The following GIPC2 variants were observed in gnomAD, a reference collection of about 807,000 sequenced individuals.
GIPC2 encodes the protein PDZ domain-containing protein GIPC2.
A neutral mutation model predicts 30.6 loss-of-function variants in GIPC2; 30 were observed. The ratio of observed to expected loss-of-function variants is 0.98; its 90% CI spans 0.73 to 1.33. The LOEUF is 1.33. Ranked by LOEUF, GIPC2 falls within the 40% of genes most tolerant of loss-of-function variation. The probability of loss-of-function intolerance (pLI) is 0.00; values close to 1 mark genes in which losing one functional copy is unlikely to be tolerated. For synonymous variants in GIPC2, 167 were observed against 150.0 expected (o/e 1.11, Z -0.83); for missense variants, 414 against 390.3 (o/e 1.06, Z -0.51).
intron 2 of GIPC2, chr1:78,091,734 A>T (rs951461111): frequency 7.7e-6 from 6 of 775,338 alleles, no homozygotes; most frequent in Non-Finnish European, 1.4e-5. Context: ...GCATACAAGA[A>T]TGTTAAATTT....
Position 78,046,262 on chromosome 1 carries a change from AGT to A in GIPC2, c.170_171del (p.Val57GlyfsTer18). The A allele has an allele frequency of 1.2e-6, 2 of 1,611,130 alleles. No homozygotes were observed. Among genetic ancestry groups the A allele is most frequent in the Non-Finnish European group, 1.7e-6 (2 of 1,179,220 alleles). ...TGGCGCACGGTAGTGCCACGGGCCGAGTGGAGGGCTTCTCCAGCATCCAGGAG... is the reference window on the plus strand; with the variant it reads ...TGGCGCACGGTAGTGCCACGGGCCGAGGAGGGCTTCTCCAGCATCCAGGAG... ...QLAHGSATGRVEGFSSIQELY... is the reference protein window; with the variant it reads ...QLAHGSATGRXEGFSSIQELY... On this transcript the variant is annotated frameshift_variant, in exon 1 of 6. Coordinates refer to ENST00000370759, the MANE Select transcript of GIPC2 (RefSeq NM_017655.6). LOFTEE classifies it high-confidence loss of function.
chr1:78,070,182 G>C (rs1661590931), intron 1 of GIPC2, among the ~76,000 whole-genome samples: 1 of 152,042 alleles, frequency 6.6e-6, no homozygotes, highest in Non-Finnish European at 1.5e-5. Context: ...AGTTATATTT[G>C]TATATTTGGT....
intron 3 of GIPC2, among the ~76,000 whole-genome samples, chr1:78,106,009 C>A (rs554347547): frequency 6.6e-6 from 1 of 151,556 alleles, no homozygotes; most frequent in African/African-American, 2.4e-5. Flanking sequence ...CTGAGGTGGG[C>A]GGATCACCTG....
At chr1:78,094,810 C>A in intron 2 of GIPC2, 142 bp from the exon 3 acceptor site, 1 of 557,052 alleles carries the variant, frequency 1.8e-6, no homozygotes, top group Non-Finnish European at 3.2e-6. Context: ...TTTTTTAAAC[C>A]TGTAGCATCT....
intron 3 of GIPC2, among the ~76,000 whole-genome samples, chr1:78,104,977 T>G (rs1316955471): frequency 6.6e-6 from 1 of 152,166 alleles, no homozygotes; most frequent in Non-Finnish European, 1.5e-5. Context: ...TGGCTTAGCA[T>G]TTGTCACAAA....
At chr1:78,099,726 C>T (rs751286891) in intron 3 of GIPC2, among the ~76,000 whole-genome samples, 28 of 152,126 alleles carry the variant, frequency 1.8e-4, no homozygotes, top group Admixed American at 2.6e-4. Context: ...GCGTGAGTCA[C>T]TGCGCCCAGC....
intron 4 of GIPC2, among the ~76,000 whole-genome samples, chr1:78,120,748 T>C (rs567516101): frequency 6.6e-6 from 1 of 152,308 alleles, no homozygotes; most frequent in Admixed American, 6.5e-5. Context: ...GTGAGACTTA[T>C]TCACTATCAT....
chr1:78,052,651 C>T (rs886805879), intron 1 of GIPC2, among the ~76,000 whole-genome samples: 2 of 151,972 alleles, frequency 1.3e-5, no homozygotes, highest in East Asian at 3.9e-4. Context: ...GTATACAACA[C>T]GATGTTTTGA....
intron 3 of GIPC2, among the ~76,000 whole-genome samples, chr1:78,098,413 T>G (rs1430370491): frequency 6.6e-6 from 1 of 152,208 alleles, no homozygotes; most frequent in Non-Finnish European, 1.5e-5. Flanking sequence ...AATTACCAAT[T>G]TTGACTATAC....
chr1:78,065,010 G>A (rs1244355190), intron 1 of GIPC2, among the ~76,000 whole-genome samples: 1 of 152,086 alleles, frequency 6.6e-6, no homozygotes, highest in Non-Finnish European at 1.5e-5. Context: ...CTCCCAAAGT[G>A]CTGGGATTAT....
At chr1:78,066,878 AGTGGAGG>A (rs1220812305) in intron 1 of GIPC2, among the ~76,000 whole-genome samples, 1 of 152,186 alleles carries the variant, frequency 6.6e-6, no homozygotes, top group East Asian at 1.9e-4. Context: ...ACTGGGGCCT[AGTGGAGG>A]GTGGAGGATG....
chr1:78,125,487 G>T (rs1662765991), intron 4 of GIPC2, among the ~76,000 whole-genome samples: 1 of 152,172 alleles, frequency 6.6e-6, no homozygotes. Flanking sequence ...ACTGTGCTCA[G>T]CCAAGTCACC....
chr1:78,137,452 G>T lies in GIPC2; in HGVS notation c.*1709G>T, dbSNP rs1209116082. On this transcript the variant is annotated 3_prime_UTR_variant, in exon 6 of 6. Coordinates refer to ENST00000370759, the MANE Select transcript of GIPC2 (RefSeq NM_017655.6). ...GATATTAGATTTGAAATAAGTCATT[G>T]TTCATTATTGATGGTTGTCAGTTTC... The T allele has an allele frequency of 6.6e-6, 1 of 152,098 alleles. No homozygotes were observed. The highest frequency in any genetic ancestry group is 2.4e-5 in the African/African-American group (1 of 41,418). 9.4% of individuals were successfully genotyped at this position (152,098 alleles called of 1,614,324 possible).
intron 2 of GIPC2, chr1:78,092,181 C>A: frequency 1.6e-6 from 1 of 606,602 alleles, no homozygotes. Flanking sequence ...TTAAAAAACC[C>A]AAGGGAATGT....
chr1:78,045,857 A>G (rs1214944278), upstream of GIPC2: 2 of 1,309,912 alleles, frequency 1.5e-6, no homozygotes, highest in African/African-American at 1.6e-5. Context: ...TGATAGGATG[A>G]GGGACTACGT....
chr1:78,053,481 A>G (rs1271973885), intron 1 of GIPC2, among the ~76,000 whole-genome samples: 4 of 152,170 alleles, frequency 2.6e-5, no homozygotes, highest in Non-Finnish European at 5.9e-5. Context: ...ACAAGGAGCA[A>G]TAAACTGCAG....
Position 78,135,940 on chromosome 1 carries a change from A to G in GIPC2, c.*197A>G. 4.3e-6 allele frequency: 2 copies of G among 462,814 alleles called. No individual in the cohort carries two copies. Among genetic ancestry groups the G allele is most frequent in the Non-Finnish European group, 7.5e-6 (2 of 267,460 alleles). The allele number at this position is 462,814 out of a possible 1,614,324, so 28.7% of individuals were successfully genotyped here. A position where few individuals can be genotyped will look rare whatever the true frequency, so the allele number is the denominator to read the frequency against. On this transcript the variant is annotated 3_prime_UTR_variant, in exon 6 of 6. Transcript: ENST00000370759. ...TAACATTGCTGATGTAGTATGCTTA[A>G]GAGAAATGACCTAAATAAGGATCAA...
In GIPC2 at chr1:78,138,189, A is replaced by G. The variant is rs1013346815; in HGVS notation, c.*2446A>G. 6.6e-6 allele frequency: 1 copy of G among 152,198 alleles called. No individual in the cohort carries two copies. Among genetic ancestry groups the G allele is most frequent in the African/African-American group, 2.4e-5 (1 of 41,450 alleles). The allele number at this position is 152,198 out of a possible 1,614,324, so 9.4% of individuals were successfully genotyped here. ...CCTTGAACATAGCTGAGTCCTAATC[A>G]GATGTATATACTCTGATGATTACAA... is the stretch of plus-strand genomic sequence containing the variant. On this transcript the variant is annotated 3_prime_UTR_variant, in exon 6 of 6. Transcript: ENST00000370759.
intron 1 of GIPC2, among the ~76,000 whole-genome samples, chr1:78,076,388 A>G (rs906046174): frequency 5.9e-5 from 9 of 152,316 alleles, no homozygotes; most frequent in South Asian, 4.1e-4. Context: ...GCAGTCCCCA[A>G]TCTTTATGGC....
Sources: allele counts gnomAD v4.1 joint callset (sites outside exome capture counted in the v4.1 genomes callset), GRCh38; gene constraint gnomAD v4.1.1; transcripts MANE v1.5; gene names NCBI Gene and HGNC (gene_info 2026-07-23, HGNC 2026-07-21).